SCGB2B2: variants seen among roughly 807,000 people sequenced by gnomAD.
The protein encoded by SCGB2B2 is secretoglobin-like protein.
In SCGB2B2, 11 loss-of-function variants were observed where a neutral mutation model predicts 7.6. The observed-to-expected ratio is 1.45, with a 90% CI of 0.91 to 2.40. The LOEUF is 2.40. Ranked by LOEUF, SCGB2B2 falls within the 30% of genes most tolerant of loss-of-function variation. SCGB2B2 has a pLI of 0.00. For synonymous variants in SCGB2B2, 50 were observed against 48.6 expected (o/e 1.03, Z -0.12); for missense variants, 104 against 115.4 (o/e 0.90, Z 0.45).
At chr19:34,586,577 G>A (rs918191034), downstream of SCGB2B2, among the ~76,000 whole-genome samples, 5 of 152,130 alleles carry the variant, frequency 3.3e-5, no homozygotes, top group African/African-American at 9.7e-5. Context: ...TCTGTGTCAT[G>A]TGTATGAATA....
At chr19:34,644,974 A>G (rs2066955421) in intron 1 of SCGB2B2, among the ~76,000 whole-genome samples, 1 of 152,232 alleles carries the variant, frequency 6.6e-6, no homozygotes, top group Admixed American at 6.5e-5. Context: ...AGTTTCACAG[A>G]TGAGCAAGCT....
At chr19:34,641,992 A>G (rs1203914897) in intron 1 of SCGB2B2, among the ~76,000 whole-genome samples, 1 of 135,400 alleles carries the variant, frequency 7.4e-6, no homozygotes, top group Non-Finnish European at 1.7e-5. Flanking sequence ...AGGGGCTAAG[A>G]GCCTTGTCCC....
rs565242495 is a variant in SCGB2B2, at chr19:34,649,017, C to T, written c.-2032+26613G>A. ...TCCCGGGTTCAAGCGATTCTCCTGC[C>T]TCAGCCTCCCAAGTAGCTGGGATTA... On this transcript the variant is annotated intron_variant, in intron 1 of 3. Coordinates refer to ENST00000601241, the MANE Select transcript of SCGB2B2 (RefSeq NM_001025591.4). 1.6e-4 allele frequency among the ~76,000 whole-genome samples: 25 copies of T among 152,296 alleles called. No individual in the cohort carries two copies. In the South Asian group the frequency reaches 5.2e-3, roughly 32 times the overall value.
At chr19:34,615,515 T>A (rs1413700483) in intron 1 of SCGB2B2, among the ~76,000 whole-genome samples, 1 of 151,928 alleles carries the variant, frequency 6.6e-6, no homozygotes, top group African/African-American at 2.4e-5. Flanking sequence ...ACTTTTCTGA[T>A]GCATTCCTGT....
At chr19:34,626,615 A>C (rs2066385797) in intron 1 of SCGB2B2, among the ~76,000 whole-genome samples, 1 of 152,232 alleles carries the variant, frequency 6.6e-6, no homozygotes, top group Non-Finnish European at 1.5e-5. Flanking sequence ...ATGTGAAAAG[A>C]CCAAATCTAT....
At chr19:34,619,503 A>G (rs376504652) in intron 1 of SCGB2B2, among the ~76,000 whole-genome samples, 15 of 152,322 alleles carry the variant, frequency 9.8e-5, no homozygotes, top group African/African-American at 3.6e-4. Flanking sequence ...AGTGTCTCCA[A>G]AGAGATGGCA....
chr19:34,587,244 T>C (rs56037859), downstream of SCGB2B2, among the ~76,000 whole-genome samples: 15,384 of 152,218 alleles, frequency 0.1, 1,031 homozygotes, highest in East Asian at 0.28. Flanking sequence ...CTTTTAATAA[T>C]TTGATCATTT....
At chr19:34,638,265 T>G (rs961173427) in intron 1 of SCGB2B2, 1 of 152,140 alleles carries the variant, frequency 6.6e-6, no homozygotes, top group African/African-American at 2.4e-5. Flanking sequence ...CTGGCCAACA[T>G]GGCAAAACCC....
intron 1 of SCGB2B2, among the ~76,000 whole-genome samples, chr19:34,612,911 C>T (rs564684075): frequency 3.3e-5 from 5 of 152,186 alleles, no homozygotes; most frequent in South Asian, 2.1e-4. Context: ...CATTTGATCC[C>T]GTATCACTTG....
At chr19:34,594,420 T>G (rs2065385224) in intron 2 of SCGB2B2, 61 bp from the exon 3 acceptor site, 1 of 1,593,336 alleles carries the variant, frequency 6.3e-7, no homozygotes. Flanking sequence ...AAACCTCCCA[T>G]GGCCAATGAG....
intron 1 of SCGB2B2, chr19:34,635,467 G>T: frequency 3.4e-6 from 1 of 294,254 alleles, no homozygotes; most frequent in South Asian, 4.3e-5. Context: ...TTCTTGTGTT[G>T]AACAAGATGG....
chr19:34,638,265 T>C (rs961173427), intron 1 of SCGB2B2: 1 of 152,138 alleles, frequency 6.6e-6, no homozygotes, highest in African/African-American at 2.4e-5. Context: ...CTGGCCAACA[T>C]GGCAAAACCC....
chr19:34,668,371 C>G (rs531471727), intron 1 of SCGB2B2, among the ~76,000 whole-genome samples: 1 of 152,354 alleles, frequency 6.6e-6, no homozygotes, highest in East Asian at 1.9e-4. Flanking sequence ...CTCGCCGGGC[C>G]TTAGCTGCCT....
At chr19:34,619,244 A>T (rs1221951377) in intron 1 of SCGB2B2, among the ~76,000 whole-genome samples, 1 of 152,212 alleles carries the variant, frequency 6.6e-6, no homozygotes, top group Non-Finnish European at 1.5e-5. Flanking sequence ...TTTCATCAAT[A>T]AAGAAATCTT....
downstream of SCGB2B2, among the ~76,000 whole-genome samples, chr19:34,586,512 A>T (rs369860429): frequency 2.2e-4 from 34 of 152,362 alleles, no homozygotes; most frequent in East Asian, 1.9e-3. Flanking sequence ...TGTAAATTCA[A>T]TCATACAGTA....
intron 1 of SCGB2B2, among the ~76,000 whole-genome samples, chr19:34,627,417 C>T (rs1013179372): frequency 2.0e-5 from 3 of 151,596 alleles, no homozygotes; most frequent in Non-Finnish European, 4.4e-5. Context: ...GAGGAAGATC[C>T]GCCAAGCAAA....
In SCGB2B2 at chr19:34,594,660, T is replaced by TGC; in HGVS notation, c.-98_-97insGC. The TGC allele has an allele frequency of 6.4e-6, 1 of 156,900 alleles. No homozygotes were observed. The highest frequency in any genetic ancestry group is 1.1e-5 in the Non-Finnish European group (1 of 91,076). 9.7% of individuals were successfully genotyped at this position (156,900 alleles called of 1,614,324 possible). ...CAAGGCACATGCCTCTTCGTGTGTGTGTGTGTGTGTGTGTGTGTGTGTGTG... is the reference window on the plus strand; with the variant it reads ...CAAGGCACATGCCTCTTCGTGTGTGTGCGTGTGTGTGTGTGTGTGTGTGTGTG... On this transcript the variant is annotated 5_prime_UTR_variant, in exon 2 of 4. The change abolishes the stop of an existing upstream ORF in the 5' untranslated region. Transcript: ENST00000601241.
At chr19:34,653,324 T>A (rs1394944765) in intron 1 of SCGB2B2, among the ~76,000 whole-genome samples, 1 of 151,114 alleles carries the variant, frequency 6.6e-6, no homozygotes, top group Admixed American at 6.6e-5. Flanking sequence ...ATACAATTTA[T>A]TGTATATTTT....
rs934769487 is a variant in SCGB2B2 at position 34,593,486 on chromosome 19, C to G, written c.*69G>C. The G allele has an allele frequency of 1.6e-6, 2 of 1,226,126 alleles. No homozygotes were observed. Among genetic ancestry groups the G allele is most frequent in the African/African-American group, 1.5e-5 (1 of 66,448 alleles). 76.0% of individuals were successfully genotyped at this position (1,226,126 alleles called of 1,614,324 possible). On this transcript the variant is annotated 3_prime_UTR_variant, in exon 4 of 4. Coordinates refer to ENST00000601241, the MANE Select transcript of SCGB2B2 (RefSeq NM_001025591.4). ...GGGTCTCTGTAGTGATGAACAGAGC[C>G]AGGCCAGGAACGCGGGGAGCCCCAA...
Sources: allele counts gnomAD v4.1 joint callset (sites outside exome capture counted in the v4.1 genomes callset), GRCh38; gene constraint gnomAD v4.1.1; transcripts MANE v1.5; gene names NCBI Gene and HGNC (gene_info 2026-07-23, HGNC 2026-07-21).